Variants in RIN2 observed in about 807,000 individuals in gnomAD.
The protein encoded by RIN2 is Ras and Rab interactor 2, also known as RAB5 interacting protein 2.
RIN2 carries 36 observed loss-of-function variants against 78.0 expected under a neutral mutation model. The observed-to-expected ratio is 0.46, with a 90% CI of 0.35 to 0.61. RIN2 has a LOEUF of 0.61. Ranked by LOEUF, RIN2 falls within the 20% of genes least tolerant of loss-of-function variation. RIN2 has a pLI of 0.00. For missense variants in RIN2, 1,087 were observed against 1,159.7 expected (o/e 0.94, Z 0.91); for synonymous variants, 466 against 466.8 (o/e 1.00, Z 0.02).
intron 1 of RIN2, among the ~76,000 whole-genome samples, chr20:19,785,279 C>T (rs547714359): frequency 1.4e-5 from 2 of 147,304 alleles, no homozygotes; most frequent in East Asian, 2.0e-4. Context: ...TCTACATACA[C>T]ACACACACAC....
At chr20:19,857,761 A>C (rs1210585948) in intron 2 of RIN2, among the ~76,000 whole-genome samples, 2 of 152,074 alleles carry the variant, frequency 1.3e-5, no homozygotes, top group Non-Finnish European at 2.9e-5. Context: ...TGAGGTGGGA[A>C]GATTGCTTGA....
intron 9 of RIN2, among the ~76,000 whole-genome samples, chr20:19,980,829 C>T (rs1401628515): frequency 6.6e-6 from 1 of 152,224 alleles, no homozygotes. Context: ...GTCTCACTAG[C>T]TCAGTCTCTC....
intron 2 of RIN2, among the ~76,000 whole-genome samples, chr20:19,800,538 A>G (rs1227832604): frequency 6.6e-6 from 1 of 152,196 alleles, no homozygotes; most frequent in African/African-American, 2.4e-5. Context: ...CTTAGGATAC[A>G]TGTCCTTGAG....
At chr20:19,932,715 C>A (rs1176983482) in intron 3 of RIN2, among the ~76,000 whole-genome samples, 3 of 152,188 alleles carry the variant, frequency 2.0e-5, no homozygotes, top group Non-Finnish European at 4.4e-5. Flanking sequence ...TCTCTCCCTG[C>A]CACAGTGCTT....
intron 2 of RIN2, among the ~76,000 whole-genome samples, chr20:19,817,643 C>T (rs2035803734): frequency 1.3e-5 from 2 of 152,140 alleles, no homozygotes; most frequent in Admixed American, 1.3e-4. Flanking sequence ...ATCTATTTGA[C>T]TTTTTGTATA....
rs777038658 is a variant in RIN2, at chr20:19,975,286, C to G, written c.1261C>G (p.Pro421Ala). The change falls in exon 9 of 13, where the codon CCG becomes GCG. Residue 421 changes from proline (P) to alanine (A), a missense_variant. By Grantham distance (27) the Pro-to-Ala change is conservative. This residue lies in a region of RIN2 where 706 missense variants were observed against 667.5 expected (regional missense o/e 1.06). Transcript: ENST00000255006. The surrounding 1 kb of genome is among the most constrained non-coding windows in gnomAD (Gnocchi z 4.9). ...GCCGCCCAGCTCTGAATCACGGCCC[C>G]CGTGCCATGGAGGCCGGCAGCGGCT... ...APPPSSESRP[P>A]CHGGRQRLSD... 2 of 1,600,632 alleles carry G rather than the reference C, an allele frequency of 1.2e-6. No individual in the cohort carries two copies. The highest frequency in any genetic ancestry group is 1.1e-5 in the South Asian group (1 of 89,214).
chr20:19,921,348 G>A (rs148427106), intron 3 of RIN2, among the ~76,000 whole-genome samples: 20 of 152,264 alleles, frequency 1.3e-4, no homozygotes, highest in East Asian at 3.9e-4. Context: ...GATGCCACAC[G>A]TCAGCAACTT....
intron 2 of RIN2, among the ~76,000 whole-genome samples, chr20:19,821,091 T>C (rs1025484530): frequency 6.6e-6 from 1 of 152,164 alleles, no homozygotes; most frequent in African/African-American, 2.4e-5. Flanking sequence ...ACCAAGAGTT[T>C]CATCCATTGG....
At chr20:19,859,554 A>C (rs1189139991) in intron 2 of RIN2, among the ~76,000 whole-genome samples, 1 of 152,190 alleles carries the variant, frequency 6.6e-6, no homozygotes, top group Non-Finnish European at 1.5e-5. Flanking sequence ...GGCACCATTA[A>C]ATAGTCACAA....
At chr20:19,761,939 T>G (rs1012107788) in intron 1 of RIN2, among the ~76,000 whole-genome samples, 3 of 152,214 alleles carry the variant, frequency 2.0e-5, no homozygotes, top group Non-Finnish European at 4.4e-5. Context: ...TCAGGGTTCT[T>G]GTCCTGAGAT....
intron 2 of RIN2, among the ~76,000 whole-genome samples, chr20:19,873,037 G>A (rs1348379738): frequency 6.6e-6 from 1 of 151,856 alleles, no homozygotes; most frequent in Non-Finnish European, 1.5e-5. Flanking sequence ...TGTCACAACT[G>A]ATTTAAACAT....
chr20:19,982,171 C>G (rs1601036206), intron 9 of RIN2, among the ~76,000 whole-genome samples: 1 of 152,154 alleles, frequency 6.6e-6, no homozygotes, highest in East Asian at 1.9e-4. Context: ...AGCGTGCTTA[C>G]GAGGTGTCAG....
At chr20:19,946,998 T>C (rs1448004009) in intron 4 of RIN2, among the ~76,000 whole-genome samples, 7 of 144,042 alleles carry the variant, frequency 4.9e-5, no homozygotes, top group African/African-American at 1.3e-4. Flanking sequence ...ACCACTGCAC[T>C]CCAGCCTGGG....
At chr20:19,929,124 C>G (rs1005948004) in intron 3 of RIN2, among the ~76,000 whole-genome samples, 1 of 152,170 alleles carries the variant, frequency 6.6e-6, no homozygotes, top group Non-Finnish European at 1.5e-5. Flanking sequence ...CACTGAATCA[C>G]AGGTGGCTCT....
intron 7 of RIN2, among the ~76,000 whole-genome samples, chr20:19,966,928 C>CACACACAT (rs749291333): frequency 7.2e-5 from 11 of 151,844 alleles, no homozygotes; most frequent in East Asian, 3.9e-4. Flanking sequence ...CACACACACA[C>CACACACAT]ATATATACAC....
intron 3 of RIN2, among the ~76,000 whole-genome samples, chr20:19,897,681 G>T (rs1162829403): frequency 6.6e-6 from 1 of 151,524 alleles, no homozygotes; most frequent in African/African-American, 2.4e-5. Context: ...GAGGTCATAA[G>T]AATGGTGGTC....
intron 6 of RIN2, among the ~76,000 whole-genome samples, chr20:19,962,934 G>A (rs969605504): frequency 1.3e-5 from 2 of 152,204 alleles, no homozygotes; most frequent in Admixed American, 6.5e-5. Context: ...TCTCCAGCCT[G>A]GGCGACAGAG....
chr20:19,810,868 G>T (rs12480423), intron 2 of RIN2, among the ~76,000 whole-genome samples: 19,873 of 143,194 alleles, frequency 0.14, 1,751 homozygotes, highest in African/African-American at 0.26. Context: ...TAAATTTTGT[G>T]TGTGTGTGTG....
At chr20:19,757,966 G>A (rs2033439661), upstream of RIN2, 1 of 152,412 alleles carries the variant, frequency 6.6e-6, no homozygotes, top group African/African-American at 2.4e-5. Flanking sequence ...GTTGTCAAGA[G>A]GGGCGGAGGC....
Sources: allele counts gnomAD v4.1 joint callset (sites outside exome capture counted in the v4.1 genomes callset), GRCh38; gene constraint gnomAD v4.1.1; regional missense constraint gnomAD v4.1.1; non-coding constraint Gnocchi (gnomAD v3.1); transcripts MANE v1.5; gene names NCBI Gene and HGNC (gene_info 2026-07-23, HGNC 2026-07-21).